The following GRIN1 variants were observed in gnomAD, a reference collection of about 807,000 sequenced individuals.
GRIN1 encodes glutamate ionotropic receptor NMDA type subunit 1.
In GRIN1, 38 loss-of-function variants were observed where a neutral mutation model predicts 103.0. That is an observed-to-expected ratio of 0.37 (90% confidence interval 0.28 to 0.48). GRIN1 has a LOEUF of 0.48. Ranked by LOEUF, GRIN1 falls within the 20% of genes least tolerant of loss-of-function variation. The pLI is 0.98. For missense variants in GRIN1, 577 were observed against 1,288.9 expected (o/e 0.45, Z 8.46); for synonymous variants, 544 against 532.7 (o/e 1.02, Z -0.29).
At position 137,163,193 on chromosome 9, in the gene GRIN1, C is replaced by T; in HGVS notation, c.2196C>T (p.Asp732=). The T allele has an allele frequency of 6.2e-7, 1 of 1,613,502 alleles. No individual in the cohort carries two copies. Among genetic ancestry groups the T allele is most frequent in the South Asian group, 1.1e-5 (1 of 91,086 alleles). The change falls in exon 16 of 20, where the codon GAC becomes GAT. Residue 732 remains aspartate (D), a synonymous_variant. Coordinates refer to ENST00000371561, the MANE Select transcript of GRIN1 (RefSeq NM_007327.4). ...RDNKLHAFIW[D]SAVLEFEASQ... is the part of the protein sequence containing the mutation. The stretch of plus-strand genomic sequence containing the variant: ...GCAAGCTGCATGCCTTCATCTGGGA[C>T]TCGGCGGTGCTGGAGTTCGAGGCCT...
chr9:137,151,460 A>AGAAAGCCCCACCCAGG (rs1554767757), intron 4 of GRIN1, among the ~76,000 whole-genome samples: 1 of 143,842 alleles, frequency 7.0e-6, no homozygotes, highest in African/African-American at 2.6e-5. Context: ...CCAACCCAGA[A>AGAAAGCCCCACCCAGG]GAAAGCCCCA....
At chr9:137,155,423 G>A (rs74629038) in intron 4 of GRIN1, among the ~76,000 whole-genome samples, 2,278 of 152,336 alleles carry the variant, frequency 0.015, 56 homozygotes, top group African/African-American at 0.052. Flanking sequence ...CAATAGCATC[G>A]TTATGTAGAG....
chr9:137,168,134 C>T lies in GRIN1; in HGVS notation c.*607C>T. On this transcript the variant is annotated 3_prime_UTR_variant, in exon 20 of 20. Coordinates refer to ENST00000371561, the MANE Select transcript of GRIN1 (RefSeq NM_007327.4). Reference sequence around the variant, plus strand: ...GCAGTGGGGAGCGGGGGCTAACTGGCCCCAGGCGGAGGGGCTTGGAGCAGA... The same window carrying T: ...GCAGTGGGGAGCGGGGGCTAACTGGTCCCAGGCGGAGGGGCTTGGAGCAGA... The T allele has an allele frequency of 1.9e-6, 1 of 526,628 alleles. No homozygotes were observed. Among genetic ancestry groups the T allele is most frequent in the Non-Finnish European group, 3.4e-6 (1 of 295,008 alleles). The allele number at this position is 526,628 out of a possible 1,614,324, so 32.6% of individuals were successfully genotyped here. A position where few individuals can be genotyped will look rare whatever the true frequency, so the allele number is the denominator to read the frequency against.
intron 4 of GRIN1, among the ~76,000 whole-genome samples, chr9:137,151,285 C>G (rs1225069273): frequency 6.7e-6 from 1 of 148,806 alleles, no homozygotes; most frequent in Non-Finnish European, 1.5e-5. Flanking sequence ...GAAAAAAAGA[C>G]CCGCCCAGGA....
At chr9:137,157,810 A>G (rs1486978932) in intron 6 of GRIN1, among the ~76,000 whole-genome samples, 2 of 152,158 alleles carry the variant, frequency 1.3e-5, no homozygotes, top group African/African-American at 4.8e-5. Context: ...CACACACACG[A>G]CACACATACA....
chr9:137,167,290 C>T (rs886697075), intron 19 of GRIN1, 121 bp from the exon 20 acceptor site: 8 of 776,176 alleles, frequency 1.0e-5, no homozygotes, highest in Admixed American at 8.3e-5. Context: ...AGTCCGGCTG[C>T]GGAGATCCCC....
intron 2 of GRIN1, among the ~76,000 whole-genome samples, chr9:137,143,926 C>A (rs969251639): frequency 6.6e-6 from 1 of 152,212 alleles, no homozygotes; most frequent in African/African-American, 2.4e-5. Flanking sequence ...GGCCATGCCA[C>A]GGCACTCCGT....
In GRIN1 at chr9:137,167,915, C is replaced by A. The variant is rs1053851558; in HGVS notation, c.*388C>A. The A allele has an allele frequency of 7.2e-7, 1 of 1,392,274 alleles. No individual in the cohort carries two copies. Among genetic ancestry groups the A allele is most frequent in the Non-Finnish European group, 1.0e-6 (1 of 995,426 alleles). 86.2% of individuals were successfully genotyped at this position (1,392,274 alleles called of 1,614,324 possible). On this transcript the variant is annotated 3_prime_UTR_variant, in exon 20 of 20. Transcript: ENST00000371561. ...GATGGGTCCTGCTGCTCGGGAAGGC[C>A]TGAGGGAAGCCCACCCGCCCCAGAG... is the stretch of plus-strand genomic sequence containing the variant.
intron 2 of GRIN1, among the ~76,000 whole-genome samples, chr9:137,144,788 G>T (rs56163731): frequency 0.086 from 620 of 7,242 alleles, 55 homozygotes; most frequent in East Asian, 0.1. Context: ...TCCCCAGGGT[G>T]GTAGGGACAG....
In GRIN1 at chr9:137,162,801, G is replaced by A. The variant is rs755346859; in HGVS notation, c.2014-45G>A. 1.9e-6 allele frequency: 3 copies of A among 1,607,008 alleles called. No individual in the cohort carries two copies. The Admixed American group carries it at 5.1e-5, about 27-fold the overall frequency. On this transcript the variant is annotated intron_variant, in intron 14 of 19. Transcript: ENST00000371561. ...TGAGCTGGGGTCGGCCTCGGTTAGG[G>A]GCCTGGGGAGCCGCCGCCGCGATCC...
In GRIN1 at chr9:137,161,203, T is replaced by TGCGCGGGGCAGGGCGCGGG. The variant is rs761110882; in HGVS notation, c.1339+29_1340-45dup. ...CGACACGTCGCCGGGCAGCCGTGAG[T>TGCGCGGGGCAGGGCGCGGG]GCGCGGGGCAGGGCGCGGGGCGCGG... is the stretch of plus-strand genomic sequence containing the variant. On this transcript the variant is annotated splice_region_variant and intron_variant, in intron 9 of 19. Transcript: ENST00000371561. The TGCGCGGGGCAGGGCGCGGG allele has an allele frequency of 1.6e-4, 250 of 1,607,744 alleles. 1 individual carries two copies. Among genetic ancestry groups the TGCGCGGGGCAGGGCGCGGG allele is most frequent in the East Asian group, 6.1e-4 (27 of 44,618 alleles).
chr9:137,163,976 G>A, intron 18 of GRIN1, 72 bp downstream of exon 18: 1 of 1,556,386 alleles, frequency 6.4e-7, no homozygotes, highest in African/African-American at 1.4e-5. Flanking sequence ...CATCCCCGAA[G>A]GCCGTGGCAC....
chr9:137,167,581 G>C lies in GRIN1; in HGVS notation c.*54G>C. The C allele has an allele frequency of 6.5e-7, 1 of 1,541,086 alleles. No homozygotes were observed. The highest frequency in any genetic ancestry group is 2.4e-5 in the East Asian group (1 of 41,148). ...TCCCCCGCAGACAGACAGACAGACG[G>C]ACGGGACAGCGGCCCGGCCCACGCA... On this transcript the variant is annotated 3_prime_UTR_variant, in exon 20 of 20. Transcript: ENST00000371561.
intron 8 of GRIN1, among the ~76,000 whole-genome samples, chr9:137,159,107 C>T (rs937048875): frequency 2.0e-5 from 3 of 152,162 alleles, no homozygotes; most frequent in Non-Finnish European, 2.9e-5. Context: ...TTGATGGGAC[C>T]GGGTCAAACT....
At chr9:137,164,098 G>A in intron 18 of GRIN1, 194 bp downstream of exon 18, 3 of 703,516 alleles carry the variant, frequency 4.3e-6, no homozygotes, top group Admixed American at 4.7e-5. Flanking sequence ...GCAGGTGGCT[G>A]CCCACTGCAA....
In GRIN1 at chr9:137,168,744, G is replaced by A. The variant is rs1388541633; in HGVS notation, c.*1217G>A. On this transcript the variant is annotated 3_prime_UTR_variant, in exon 20 of 20. Transcript: ENST00000371561. ...GGTGTATGCAGTGGTGATGCCTAAA[G>A]GAATGTCACGCAGTTTTCGGTCTGT... The A allele has an allele frequency of 3.7e-6, 3 of 818,118 alleles. No homozygotes were observed. The highest frequency in any genetic ancestry group is 1.2e-4 in the South Asian group (2 of 16,030). The allele number at this position is 818,118 out of a possible 1,614,324, so 50.7% of individuals were successfully genotyped here. A position where few individuals can be genotyped will look rare whatever the true frequency, so the allele number is the denominator to read the frequency against.
chr9:137,165,493 G>C (rs373803419), intron 19 of GRIN1, 197 bp downstream of exon 19: 1 of 619,190 alleles, frequency 1.6e-6, no homozygotes, highest in African/African-American at 1.8e-5. Flanking sequence ...GGCCCTCCTG[G>C]GTCCTCGGCT....
At chr9:137,155,122 G>A (rs991231842) in intron 4 of GRIN1, among the ~76,000 whole-genome samples, 4 of 152,156 alleles carry the variant, frequency 2.6e-5, no homozygotes, top group Non-Finnish European at 4.4e-5. Flanking sequence ...TCCATAAAAC[G>A]ATCGGATGAG....
chr9:137,152,119 G>T (rs796874581), intron 4 of GRIN1, among the ~76,000 whole-genome samples: 9 of 152,240 alleles, frequency 5.9e-5, no homozygotes, highest in African/African-American at 1.9e-4. Context: ...TGTCAGCCAG[G>T]ATGGCCTCAA....
Sources: gnomAD v4.1 joint callset for allele counts (sites outside exome capture counted in the v4.1 genomes callset) on GRCh38, gnomAD v4.1.1 for gene constraint, MANE v1.5 for transcripts, NCBI Gene and HGNC (gene_info 2026-07-23, HGNC 2026-07-21) for gene names.